The following DENND5B variants were observed in gnomAD, a reference collection of about 807,000 sequenced individuals.
DENND5B encodes DENN domain containing 5B.
DENND5B carries 34 observed loss-of-function variants against 140.6 expected under a neutral mutation model. That is an observed-to-expected ratio of 0.24 (90% CI 0.18 to 0.32). The LOEUF is 0.32. Among genes scored for constraint, DENND5B ranks in the 10% least tolerant of loss-of-function variants. DENND5B has a pLI of 1.00. For missense variants in DENND5B, 1,142 were observed against 1,560.2 expected, an observed-to-expected ratio of 0.73 and a Z score of 4.52; for synonymous variants, 551 against 562.1, an observed-to-expected ratio of 0.98 and a Z score of 0.28.
At chr12:31,534,669 G>A (rs1474337155) in intron 1 of DENND5B, 2 of 247,674 alleles carry the variant, frequency 8.1e-6, no homozygotes, top group African/African-American at 4.6e-5. Context: ...TATCTTGCAC[G>A]AAGGAGCCAC....
At chr12:31,483,316 T>C (rs1020875716) in intron 2 of DENND5B, among the ~76,000 whole-genome samples, 2 of 152,234 alleles carry the variant, frequency 1.3e-5, no homozygotes, top group Non-Finnish European at 2.9e-5. Context: ...TTACAGTCTT[T>C]GTCACAACTG....
rs2137253069 is a variant in DENND5B, at chr12:31,389,570, T to C, written c.3467-72A>G. The C allele has an allele frequency of 2.1e-6, 3 of 1,412,094 alleles. No individual in the cohort carries two copies. In the Middle Eastern group the frequency reaches 5.4e-4, roughly 255 times the overall value. The allele number at this position is 1,412,094 out of a possible 1,614,324, so 87.5% of individuals were successfully genotyped here. On this transcript the variant is annotated intron_variant, in intron 19 of 20. Transcript: ENST00000389082. ...ATATATAGAAAGATTCATCACTTAA[T>C]TTATTATGGAAACACTAACGATGCT...
Position 31,587,052 on chromosome 12 carries a change from G to A in DENND5B, c.127+3654C>T, listed in dbSNP as rs552728747. ...ACTATCCACACTCCTTAATCTCCTC[G>A]GTTGCCTCCTCCTCCTCATCCTCCC... On this transcript the variant is annotated intron_variant, in intron 1 of 20. Coordinates refer to ENST00000389082, the MANE Select transcript of DENND5B (RefSeq NM_144973.4). Among the ~76,000 whole-genome samples, 19 of 152,076 alleles carry A rather than the reference G, an allele frequency of 1.2e-4. No homozygotes were observed. In the East Asian group the frequency reaches 3.3e-3, roughly 26 times the overall value.
chr12:31,411,230 G>A (rs1942444630), intron 13 of DENND5B, among the ~76,000 whole-genome samples: 1 of 150,986 alleles, frequency 6.6e-6, no homozygotes, highest in South Asian at 2.1e-4. Flanking sequence ...TAGAGATGGG[G>A]TTTCTCTACG....
At chr12:31,577,034 T>C (rs1002429315) in intron 1 of DENND5B, among the ~76,000 whole-genome samples, 9 of 152,150 alleles carry the variant, frequency 5.9e-5, no homozygotes, top group African/African-American at 2.2e-4. Flanking sequence ...AGAGGTGGCA[T>C]CATGAGGACC....
At position 31,424,439 on chromosome 12, in the gene DENND5B, A is replaced by T. The variant is rs1300233117; in HGVS notation, c.2391+96T>A. On this transcript the variant is annotated intron_variant, in intron 10 of 20. Transcript: ENST00000389082. Reference sequence around the variant, plus strand: ...TTTTCTAGTCCCCTTGTGACAAAAGAGCCTATTTTTTTTTAATGACATATT... The same window carrying T: ...TTTTCTAGTCCCCTTGTGACAAAAGTGCCTATTTTTTTTTAATGACATATT... 12 of 1,374,372 alleles carry T rather than the reference A, an allele frequency of 8.7e-6. No individual in the cohort carries two copies. In the East Asian group the frequency reaches 3.0e-4, roughly 34 times the overall value. The allele number at this position is 1,374,372 out of a possible 1,614,324, so 85.1% of individuals were successfully genotyped here. A position where few individuals can be genotyped will look rare whatever the true frequency, so the allele number is the denominator to read the frequency against.
In DENND5B at chr12:31,541,076, T is replaced by C. The variant is rs1161814665; in HGVS notation, c.128-45157A>G. 6.8e-6 allele frequency: 3 copies of C among 442,058 alleles called. No homozygotes were observed. The Admixed American group carries it at 7.6e-5, about 11-fold the overall frequency. The allele number at this position is 442,058 out of a possible 1,614,324, so 27.4% of individuals were successfully genotyped here. On this transcript the variant is annotated intron_variant, in intron 1 of 20. Coordinates refer to ENST00000389082, the MANE Select transcript of DENND5B (RefSeq NM_144973.4). ...ATCAAATGAAAATGGGTTAAAAACTTAAATTTAAGACCTCAAACTATGAAA... is the reference window on the plus strand; with the variant it reads ...ATCAAATGAAAATGGGTTAAAAACTCAAATTTAAGACCTCAAACTATGAAA...
intron 20 of DENND5B, among the ~76,000 whole-genome samples, chr12:31,388,226 CTTTTTTTTTTTTTT>C (rs35891849): frequency 1.1e-5 from 1 of 91,480 alleles, no homozygotes; most frequent in Non-Finnish European, 2.0e-5. Flanking sequence ...TAGGGACTTG[CTTTTTTTTTTTTTT>C]TTTTTTTTAA....
At chr12:31,449,198 A>G (rs1432536605) in intron 5 of DENND5B, among the ~76,000 whole-genome samples, 1 of 152,228 alleles carries the variant, frequency 6.6e-6, no homozygotes, top group Non-Finnish European at 1.5e-5. Flanking sequence ...ACATAAGGTG[A>G]CTTTTAAAAA....
intron 17 of DENND5B, chr12:31,396,346 T>C (rs1407483075): frequency 3.2e-5 from 3 of 92,698 alleles, no homozygotes; most frequent in Non-Finnish European, 6.2e-5. Flanking sequence ...CCAGCATTTG[T>C]TGTTGTTGTT....
chr12:31,567,377 AT>A lies in DENND5B; in HGVS notation c.127+23328del, dbSNP rs539762019. Reference sequence around the variant, plus strand: ...CTTGTGTGTCCTATCTTTCCTATCCATCCCCCATCTTCTTTACTCCCACCAC... The same window carrying A: ...CTTGTGTGTCCTATCTTTCCTATCCACCCCCATCTTCTTTACTCCCACCAC... On this transcript the variant is annotated intron_variant, in intron 1 of 20. Coordinates refer to ENST00000389082, the MANE Select transcript of DENND5B (RefSeq NM_144973.4). 3.3e-5 allele frequency among the ~76,000 whole-genome samples: 5 copies of A among 151,728 alleles called. No individual in the cohort carries two copies. In the South Asian group the frequency reaches 1.0e-3, roughly 32 times the overall value.
intron 1 of DENND5B, among the ~76,000 whole-genome samples, chr12:31,566,586 T>C (rs779411710): frequency 1.3e-5 from 2 of 151,952 alleles, no homozygotes; most frequent in African/African-American, 4.8e-5. Flanking sequence ...AAGGGCCACA[T>C]AGCAGGACCA....
At chr12:31,556,942 G>T (rs1463842886) in intron 1 of DENND5B, among the ~76,000 whole-genome samples, 2 of 152,124 alleles carry the variant, frequency 1.3e-5, no homozygotes, top group Non-Finnish European at 2.9e-5. Flanking sequence ...CCACTAGGAG[G>T]TTCTCCTCAA....
chr12:31,464,489 T>C (rs1020417025), intron 3 of DENND5B, among the ~76,000 whole-genome samples: 3 of 152,198 alleles, frequency 2.0e-5, no homozygotes, highest in African/African-American at 7.2e-5. Context: ...AATTCTATCA[T>C]AATTCTCTCT....
chr12:31,441,263 G>A (rs994310529), intron 7 of DENND5B, among the ~76,000 whole-genome samples: 2 of 152,124 alleles, frequency 1.3e-5, no homozygotes, highest in African/African-American at 2.4e-5. Context: ...AGGATCACGT[G>A]AGCCTGGGGA....
chr12:31,420,123 T>G (rs1942952986), intron 11 of DENND5B: 1 of 916,994 alleles, frequency 1.1e-6, no homozygotes, highest in South Asian at 5.0e-5. Context: ...TCAACGTTTT[T>G]ATTTATTATT....
intron 11 of DENND5B, chr12:31,420,049 C>G: frequency 1.0e-6 from 1 of 985,016 alleles, no homozygotes; most frequent in Non-Finnish European, 1.2e-6. Context: ...ACACCTACCC[C>G]CTGCCAAAAT....
rs117633994 is a variant in DENND5B at position 31,557,513 on chromosome 12, C to T, written c.127+33193G>A. On this transcript the variant is annotated intron_variant, in intron 1 of 20. Coordinates refer to ENST00000389082, the MANE Select transcript of DENND5B (RefSeq NM_144973.4). The stretch of plus-strand genomic sequence containing the variant: ...CCTCCCACCTCAGCCTCCCAAGTAG[C>T]TGGGATTACAGGTATGCACCAGCAC... Among the ~76,000 whole-genome samples, 47 of 152,100 alleles carry T rather than the reference C, an allele frequency of 3.1e-4. No individual in the cohort carries two copies. The East Asian group carries it at 8.9e-3, about 29-fold the overall frequency.
At chr12:31,438,221 T>G (rs1271858585) in intron 7 of DENND5B, among the ~76,000 whole-genome samples, 2 of 152,180 alleles carry the variant, frequency 1.3e-5, no homozygotes, top group African/African-American at 4.8e-5. Flanking sequence ...TATCCACCTG[T>G]CTTGGCCTCC....
Sources: allele counts gnomAD v4.1 joint callset (sites outside exome capture counted in the v4.1 genomes callset), GRCh38; gene constraint gnomAD v4.1.1; transcripts MANE v1.5; gene names NCBI Gene and HGNC (gene_info 2026-07-23, HGNC 2026-07-21).